HSF5: variants seen among roughly 807,000 people sequenced by gnomAD.
HSF5 encodes the protein heat shock factor protein 5.
In HSF5, 5 loss-of-function variants were observed where a neutral mutation model predicts 50.8. That is an observed-to-expected ratio of 0.10 (90% CI 0.05 to 0.21). The LOEUF (loss-of-function observed/expected upper bound fraction) is 0.21. Among genes scored for constraint, HSF5 ranks in the 10% least tolerant of loss-of-function variants. The pLI, the probability that HSF5 is intolerant of heterozygous loss-of-function variation, is 1.00. For missense variants in HSF5, 564 were observed against 762.6 expected, an observed-to-expected ratio of 0.74 and a Z score of 3.07; for synonymous variants, 307 against 307.4, an observed-to-expected ratio of 1.00 and a Z score of 0.02.
At chr17:58,443,180 T>A (rs1158880639) in intron 5 of HSF5, among the ~76,000 whole-genome samples, 1 of 152,142 alleles carries the variant, frequency 6.6e-6, no homozygotes, top group Non-Finnish European at 1.5e-5. Context: ...GTGTAATTTT[T>A]GTATTTTTTA....
chr17:58,449,453 AC>A, intron 5 of HSF5, among the ~76,000 whole-genome samples: 1 of 152,180 alleles, frequency 6.6e-6, no homozygotes. Context: ...TAATCCCAAC[AC>A]TTCTGGAGAC....
chr17:58,425,428 A>G (rs2143722100), intron 5 of HSF5, among the ~76,000 whole-genome samples: 1 of 151,430 alleles, frequency 6.6e-6, no homozygotes, highest in Middle Eastern at 3.4e-3. Flanking sequence ...AAAAATTACA[A>G]TGTGCCAGGT....
At chr17:58,427,890 T>C (rs1328104627) in intron 5 of HSF5, among the ~76,000 whole-genome samples, 1 of 152,260 alleles carries the variant, frequency 6.6e-6, no homozygotes, top group Non-Finnish European at 1.5e-5. Flanking sequence ...AAGAGTCAGA[T>C]AATAAATATT....
rs575821899 is a variant in HSF5, at chr17:58,422,392, G to A, written c.1759C>T (p.Arg587Cys). 12 of 1,613,758 alleles carry A rather than the reference G, an allele frequency of 7.4e-6. No individual in the cohort carries two copies. Among genetic ancestry groups the A allele is most frequent in the East Asian group, 4.5e-5 (2 of 44,870 alleles). ...LLVDVACKQE[R>C]FPKEEELKE is the part of the protein sequence containing the mutation. ...TTTAATTCTTCCTCCTTTGGAAAGC[G>A]CTCCTGCTTGCAGGCCACGTCCACC... Residue 587 changes from arginine (R) to cysteine (C), a missense_variant, in exon 6 of 6, where the codon CGC (arginine) becomes TGC (cysteine). Physicochemically the swap from Arg to Cys is radical, Grantham distance 180 (BLOSUM62 -3). Coordinates refer to ENST00000323777, the MANE Select transcript of HSF5 (RefSeq NM_001080439.3).
chr17:58,473,257 C>A (rs1285988455), intron 2 of HSF5, among the ~76,000 whole-genome samples: 1 of 151,740 alleles, frequency 6.6e-6, no homozygotes, highest in Admixed American at 6.6e-5. Flanking sequence ...ATAGTGATTA[C>A]TATATAAGTA....
chr17:58,453,716 T>A (rs1169296381), intron 5 of HSF5, among the ~76,000 whole-genome samples: 1 of 152,114 alleles, frequency 6.6e-6, no homozygotes, highest in Non-Finnish European at 1.5e-5. Flanking sequence ...AATCAATCAA[T>A]GTAATACATT....
At chr17:58,455,737 T>C (rs948892867) in intron 5 of HSF5, among the ~76,000 whole-genome samples, 8 of 151,830 alleles carry the variant, frequency 5.3e-5, no homozygotes, top group Admixed American at 4.6e-4. Context: ...TATGGAAAAA[T>C]GCTCAATATC....
intron 5 of HSF5, among the ~76,000 whole-genome samples, chr17:58,456,702 T>C (rs922770979): frequency 4.1e-4 from 63 of 152,234 alleles, no homozygotes; most frequent in African/African-American, 1.4e-3. Context: ...AAATTATAAA[T>C]TAAAAATAAA....
At chr17:58,470,627 T>C (rs1244940903) in intron 2 of HSF5, among the ~76,000 whole-genome samples, 1 of 152,180 alleles carries the variant, frequency 6.6e-6, no homozygotes, top group Non-Finnish European at 1.5e-5. Context: ...TATTTAAAAA[T>C]AGTTAAGATG....
chr17:58,461,213 C>CACA (rs36215581), intron 4 of HSF5, among the ~76,000 whole-genome samples: 151 of 146,858 alleles, frequency 1.0e-3, no homozygotes, highest in Non-Finnish European at 1.8e-3. Context: ...GATTCCATCT[C>CACA]ACAACAACAA....
chr17:58,461,406 C>A (rs938696507), intron 4 of HSF5, among the ~76,000 whole-genome samples: 1 of 150,796 alleles, frequency 6.6e-6, no homozygotes, highest in Admixed American at 6.6e-5. Context: ...AAAAAGGCTG[C>A]AAAAAACAAA....
At chr17:58,423,487 T>G (rs1206923456) in intron 5 of HSF5, among the ~76,000 whole-genome samples, 3 of 146,670 alleles carry the variant, frequency 2.0e-5, no homozygotes, top group East Asian at 2.0e-4. Flanking sequence ...AGGGAGCTTT[T>G]TTTTTTTTTT....
At chr17:58,476,941 G>A (rs1598201192) in intron 2 of HSF5, 4 of 731,408 alleles carry the variant, frequency 5.5e-6, no homozygotes, top group Admixed American at 2.6e-5. Flanking sequence ...TTTTGGCAGC[G>A]GACGCCCATG....
Position 58,480,273 on chromosome 17 carries a change from T to A in HSF5, c.551-6A>T. 6.3e-7 allele frequency: 1 copy of A among 1,590,276 alleles called. No homozygotes were observed. Among genetic ancestry groups the A allele is most frequent in the Non-Finnish European group, 8.6e-7 (1 of 1,168,440 alleles). ...TTGTCCTACAGCCACTGGTCCTACA[T>A]AAAAGAGGAAGAGCACATTTACTAA... On this transcript the variant is annotated splice_polypyrimidine_tract_variant and splice_region_variant and intron_variant, in intron 1 of 5. Coordinates refer to ENST00000323777, the MANE Select transcript of HSF5 (RefSeq NM_001080439.3).
intron 1 of HSF5, among the ~76,000 whole-genome samples, chr17:58,482,021 A>G (rs1406813380): frequency 1.3e-5 from 2 of 152,164 alleles, no homozygotes; most frequent in African/African-American, 4.8e-5. Context: ...ATAAAGTATT[A>G]TTGAGTCCAG....
At chr17:58,430,493 G>A (rs1014451708) in intron 5 of HSF5, among the ~76,000 whole-genome samples, 2 of 152,144 alleles carry the variant, frequency 1.3e-5, no homozygotes, top group Admixed American at 6.5e-5. Flanking sequence ...AGTCAGCCAG[G>A]GGCCCAGAGA....
intron 5 of HSF5, among the ~76,000 whole-genome samples, chr17:58,429,843 A>C (rs1326877513): frequency 5.5e-5 from 3 of 54,538 alleles, no homozygotes; most frequent in African/African-American, 1.8e-4. Context: ...AAGACTCTGT[A>C]AAAAAAAAAA....
intron 2 of HSF5, among the ~76,000 whole-genome samples, chr17:58,474,429 A>T (rs1414868705): frequency 6.6e-6 from 1 of 152,142 alleles, no homozygotes. Flanking sequence ...AGAAGACAAA[A>T]CAAAAATTCA....
At chr17:58,480,310 A>C (rs1473529362) in intron 1 of HSF5, 43 bp from the exon 2 acceptor site, 1 of 1,542,428 alleles carries the variant, frequency 6.5e-7, no homozygotes, top group Admixed American at 2.0e-5. Flanking sequence ...TTTGCATTAC[A>C]TCACCAGACA....
Sources: gnomAD v4.1 joint callset for allele counts (sites outside exome capture counted in the v4.1 genomes callset) on GRCh38, gnomAD v4.1.1 for gene constraint, MANE v1.5 for transcripts, NCBI Gene and HGNC (gene_info 2026-07-23, HGNC 2026-07-21) for gene names.